The following MPP7 variants were observed in gnomAD, a reference collection of about 807,000 sequenced individuals.
The protein encoded by MPP7 is MAGUK p55 subfamily member 7.
A neutral mutation model predicts 76.5 loss-of-function variants in MPP7; 60 were observed. That is an observed-to-expected ratio of 0.78 (90% CI 0.64 to 0.97). MPP7 has a LOEUF of 0.97. Ranked by LOEUF, MPP7 falls within the 50% of genes least tolerant of loss-of-function variation. The pLI, the probability that MPP7 is intolerant of heterozygous loss-of-function variation, is 0.00. For synonymous variants in MPP7, 237 were observed against 244.5 expected (o/e 0.97, Z 0.29); for missense variants, 641 against 694.0 (o/e 0.92, Z 0.86).
chr10:28,229,350 T>G (rs1194370832), intron 2 of MPP7, among the ~76,000 whole-genome samples: 1 of 152,198 alleles, frequency 6.6e-6, no homozygotes, highest in African/African-American at 2.4e-5. Flanking sequence ...GAAAAAATAA[T>G]AACTGCTAAC....
At chr10:28,293,260 A>G (rs2133133575) in intron 1 of MPP7, among the ~76,000 whole-genome samples, 1 of 152,346 alleles carries the variant, frequency 6.6e-6, no homozygotes, top group African/African-American at 2.4e-5. Context: ...GGATATATAA[A>G]TGGCGAACTC....
intron 11 of MPP7, among the ~76,000 whole-genome samples, chr10:28,096,768 T>C (rs562968600): frequency 6.6e-6 from 1 of 152,290 alleles, no homozygotes; most frequent in South Asian, 2.1e-4. Flanking sequence ...TTTAATTCCA[T>C]CTGGAATTAC....
intron 2 of MPP7, among the ~76,000 whole-genome samples, chr10:28,233,717 CAA>C (rs752333257): frequency 2.2e-4 from 16 of 73,370 alleles, no homozygotes; most frequent in Non-Finnish European, 2.0e-4. Flanking sequence ...GACTCCGTCT[CAA>C]AAAAAAAAAA....
At chr10:28,101,748 G>C (rs1459597420) in intron 11 of MPP7, among the ~76,000 whole-genome samples, 1 of 152,114 alleles carries the variant, frequency 6.6e-6, no homozygotes, top group Non-Finnish European at 1.5e-5. Context: ...AAAACAGTCT[G>C]TAAATCTGAC....
In MPP7 at chr10:28,157,876, C is replaced by A. The variant is rs1050140865; in HGVS notation, c.157-7817G>T. 8.5e-5 allele frequency among the ~76,000 whole-genome samples: 13 copies of A among 152,246 alleles called. No homozygotes were observed. In the East Asian group the frequency reaches 2.3e-3, roughly 27 times the overall value. ...CCTTCATTATTAGGTCTGATGGCTT[C>A]CTATTCTTTTTGTTCACTATCCTTA... On this transcript the variant is annotated intron_variant, in intron 3 of 16. Coordinates refer to ENST00000683449, the MANE Select transcript of MPP7 (RefSeq NM_001318170.2).
intron 2 of MPP7, among the ~76,000 whole-genome samples, chr10:28,323,919 A>G (rs1249348): frequency 0.25 from 37,204 of 151,846 alleles, 5,978 homozygotes; most frequent in African/African-American, 0.46. Context: ...ACTATATGCC[A>G]TGCACATTTT....
At position 28,125,070 on chromosome 10, in the gene MPP7, C is replaced by T; in HGVS notation, c.469G>A (p.Glu157Lys). 6.2e-7 allele frequency: 1 copy of T among 1,614,028 alleles called. No individual in the cohort carries two copies. Among genetic ancestry groups the T allele is most frequent in the South Asian group, 1.1e-5 (1 of 91,078 alleles). Residue 157 changes from glutamate (E) to lysine (K), a missense_variant, in exon 7 of 17, where the codon GAA becomes AAA. Glu to Lys is a moderately conservative substitution (Grantham distance 56, BLOSUM62 1). Coordinates refer to ENST00000683449, the MANE Select transcript of MPP7 (RefSeq NM_001318170.2). ...EPLGATIKKDEQTGAIIVARI... is the reference protein window; with the variant it reads ...EPLGATIKKDKQTGAIIVARI... ...GCCACAATGATCGCCCCGGTCTGTT[C>T]ATCCTTCTTAATGGTAGCTCCCTTT...
intron 16 of MPP7, among the ~76,000 whole-genome samples, chr10:28,054,931 G>A (rs1161482274): frequency 2.0e-5 from 3 of 152,026 alleles, no homozygotes; most frequent in African/African-American, 4.8e-5. Flanking sequence ...CACCTGCCTC[G>A]GCCTCCCAAA....
chr10:28,282,523 G>C (rs563714373), intron 1 of MPP7, among the ~76,000 whole-genome samples: 1 of 152,176 alleles, frequency 6.6e-6, no homozygotes, highest in African/African-American at 2.4e-5. Context: ...TAAAGCCACA[G>C]GCAGTTTAGA....
chr10:28,120,451 A>G, intron 9 of MPP7, 61 bp from the exon 10 acceptor site: 1 of 1,529,620 alleles, frequency 6.5e-7, no homozygotes, highest in South Asian at 1.2e-5. Flanking sequence ...AATGGCCTAT[A>G]TTCTCCTAAC....
intron 11 of MPP7, among the ~76,000 whole-genome samples, chr10:28,109,867 A>AAAAAAAAAAAAAAAAAAAAAAAAAAC (rs1834447582): frequency 6.7e-6 from 1 of 149,438 alleles, no homozygotes; most frequent in African/African-American, 2.5e-5. Context: ...AAAAAAAAAA[A>AAAAAAAAAAAAAAAAAAAAAAAAAAC]AAAAAACACT....
intron 1 of MPP7, among the ~76,000 whole-genome samples, chr10:28,275,410 CT>C (rs111692769): frequency 2.9e-3 from 413 of 141,476 alleles, no homozygotes; most frequent in East Asian, 6.4e-3. Flanking sequence ...CCTAATATTT[CT>C]TTTTTTTTTT....
intron 2 of MPP7, chr10:28,236,494 A>G (rs1839078438): frequency 6.6e-6 from 1 of 152,250 alleles, no homozygotes; most frequent in Non-Finnish European, 1.5e-5. Context: ...AGAGACTCAA[A>G]AACAATGTAT....
At chr10:28,232,141 T>C (rs1038157520) in intron 2 of MPP7, among the ~76,000 whole-genome samples, 2 of 152,082 alleles carry the variant, frequency 1.3e-5, no homozygotes, top group Admixed American at 6.5e-5. Context: ...GACGATCACT[T>C]GAGCCCAGAA....
chr10:28,177,407 CA>C (rs374281842), intron 3 of MPP7, among the ~76,000 whole-genome samples: 1,869 of 126,508 alleles, frequency 0.015, 18 homozygotes, highest in East Asian at 0.063. Flanking sequence ...GACTCCATTT[CA>C]AAAAAAAAAA....
At chr10:28,154,488 C>G (rs997968214) in intron 3 of MPP7, among the ~76,000 whole-genome samples, 1 of 152,132 alleles carries the variant, frequency 6.6e-6, no homozygotes, top group Admixed American at 6.5e-5. Flanking sequence ...TACACAGATG[C>G]ATAATTCTTA....
intron 11 of MPP7, 86 bp from the exon 12 acceptor site, chr10:28,089,927 G>A: frequency 1.3e-6 from 1 of 744,440 alleles, no homozygotes; most frequent in Non-Finnish European, 2.1e-6. Context: ...AGTTGGGTTG[G>A]ATTTTATTTA....
intron 12 of MPP7, among the ~76,000 whole-genome samples, chr10:28,080,091 G>A (rs1405099844): frequency 7.0e-6 from 1 of 143,832 alleles, no homozygotes; most frequent in Non-Finnish European, 1.5e-5. Context: ...GAGAGGGGAG[G>A]GGAAAAGGAA....
chr10:28,194,579 T>A (rs1295644922), intron 3 of MPP7, among the ~76,000 whole-genome samples: 1 of 152,194 alleles, frequency 6.6e-6, no homozygotes. Flanking sequence ...TGAGAAGACT[T>A]GATGGAGCCC....
Sources: allele counts gnomAD v4.1 joint callset (sites outside exome capture counted in the v4.1 genomes callset), GRCh38; gene constraint gnomAD v4.1.1; transcripts MANE v1.5; gene names NCBI Gene and HGNC (gene_info 2026-07-23, HGNC 2026-07-21).